The following ERCC4 variants were observed in gnomAD, a reference collection of about 807,000 sequenced individuals.
The protein encoded by ERCC4 is DNA repair endonuclease XPF.
A neutral mutation model predicts 76.9 loss-of-function variants in ERCC4; 65 were observed. The ratio of observed to expected loss-of-function variants is 0.84; its 90% CI spans 0.69 to 1.04. ERCC4 has a LOEUF of 1.04. Ranked by LOEUF, ERCC4 falls within the 50% of genes least tolerant of loss-of-function variation. The pLI is 0.00. For missense variants in ERCC4, 1,214 were observed against 1,128.2 expected (o/e 1.08, Z -1.09); for synonymous variants, 463 against 410.1 (o/e 1.13, Z -1.56).
intron 9 of ERCC4, 79 bp from the exon 10 acceptor site, chr16:13,944,644 C>T: frequency 1.1e-6 from 1 of 936,698 alleles, no homozygotes; most frequent in Non-Finnish European, 1.8e-6. Flanking sequence ...AGATCATTTT[C>T]AATACTACAA....
intron 9 of ERCC4, among the ~76,000 whole-genome samples, chr16:13,940,718 C>G (rs1212128566): frequency 6.6e-6 from 1 of 152,208 alleles, no homozygotes; most frequent in Non-Finnish European, 1.5e-5. Context: ...ACTATCTGAT[C>G]CAGCTGGCAC....
chr16:13,949,316 A>G lies in ERCC4; in HGVS notation c.*969A>G, dbSNP rs1567255053. Reference sequence around the variant, plus strand: ...TTATATCCTAAGACACCAGCATCATATCCTCTAGAAATACAACCTAATTGG... The same window carrying G: ...TTATATCCTAAGACACCAGCATCATGTCCTCTAGAAATACAACCTAATTGG... On this transcript the variant is annotated 3_prime_UTR_variant, in exon 11 of 11. Transcript: ENST00000311895. The G allele has an allele frequency of 1.3e-5, 3 of 233,994 alleles. No homozygotes were observed. In the South Asian group the frequency reaches 5.4e-4, roughly 42 times the overall value. The allele number at this position is 233,994 out of a possible 1,614,324, so 14.5% of individuals were successfully genotyped here.
Position 13,950,411 on chromosome 16 carries a change from A to T in ERCC4, c.*2064A>T, listed in dbSNP as rs1183213079. 3.2e-5 allele frequency: 6 copies of T among 186,974 alleles called. No homozygotes were observed. Among genetic ancestry groups the T allele is most frequent in the African/African-American group, 4.7e-5 (2 of 42,824 alleles). The allele number at this position is 186,974 out of a possible 1,614,324, so 11.6% of individuals were successfully genotyped here. ...GGGTATCAAGAACCAGATTGGTTAC[A>T]GTAGAACTCTGTAAGATGATGTGGA... On this transcript the variant is annotated 3_prime_UTR_variant, in exon 11 of 11. Transcript: ENST00000311895.
chr16:13,927,913 T>C, intron 3 of ERCC4, 115 bp from the exon 4 acceptor site: 1 of 737,122 alleles, frequency 1.4e-6, no homozygotes, highest in Non-Finnish European at 2.4e-6. Context: ...ATTTGTTTGT[T>C]GTTTTGCTTT....
chr16:13,929,903 G>T (rs2032141523), intron 4 of ERCC4, among the ~76,000 whole-genome samples: 1 of 152,190 alleles, frequency 6.6e-6, no homozygotes, highest in African/African-American at 2.4e-5. Flanking sequence ...GGCGGAGGTT[G>T]CAGTGAGCCG....
At chr16:13,926,320 C>T (rs1377262567) in intron 2 of ERCC4, among the ~76,000 whole-genome samples, 1 of 152,166 alleles carries the variant, frequency 6.6e-6, no homozygotes, top group Non-Finnish European at 1.5e-5. Flanking sequence ...CATACTCCCT[C>T]TCCTCCTTCT....
Position 13,944,618 on chromosome 16 carries a change from A to T in ERCC4, c.1905-105A>T. ...TTGTTTTTGTTTTTGTTTTTCTCTTACTGCTATCATCATGTAGATCATTTT... is the reference window on the plus strand; with the variant it reads ...TTGTTTTTGTTTTTGTTTTTCTCTTTCTGCTATCATCATGTAGATCATTTT... On this transcript the variant is annotated intron_variant, in intron 9 of 10. Coordinates refer to ENST00000311895, the MANE Select transcript of ERCC4 (RefSeq NM_005236.3). 2 of 769,676 alleles carry T rather than the reference A, an allele frequency of 2.6e-6. No individual in the cohort carries two copies. Among genetic ancestry groups the T allele is most frequent in the Non-Finnish European group, 4.7e-6 (2 of 429,796 alleles). The allele number at this position is 769,676 out of a possible 1,614,324, so 47.7% of individuals were successfully genotyped here. A position where few individuals can be genotyped will look rare whatever the true frequency, so the allele number is the denominator to read the frequency against.
At chr16:13,947,532 C>T (rs1303361112) in intron 10 of ERCC4, 82 bp from the exon 11 acceptor site, 1 of 1,385,614 alleles carries the variant, frequency 7.2e-7, no homozygotes, top group Non-Finnish European at 1.0e-6. Flanking sequence ...GAGTTAACAA[C>T]AGAAACATCG....
At chr16:13,937,676 T>C in intron 8 of ERCC4, 90 bp from the exon 9 acceptor site, 1 of 805,298 alleles carries the variant, frequency 1.2e-6, no homozygotes. Context: ...ATTTGAGCGC[T>C]CTAGGTTGCT....
Position 13,935,613 on chromosome 16 carries a change from A to G in ERCC4, c.1681A>G (p.Ser561Gly). ...TATCATCCATCCGCTTCTGGGTTGC[A>G]GCGACCCCTATGCTCTGACAAGGGT... ...LTIIHPLLGCSDPYALTRVLH... is the reference protein window; with the variant it reads ...LTIIHPLLGCGDPYALTRVLH... The change falls in exon 8 of 11, where the codon AGC becomes GGC. Residue 561 changes from serine to glycine, a missense_variant. Ser to Gly is a moderately conservative substitution (Grantham distance 56). Transcript: ENST00000311895. 1.2e-6 allele frequency: 2 copies of G among 1,614,120 alleles called. No individual in the cohort carries two copies. The highest frequency in any genetic ancestry group is 1.3e-5 in the African/African-American group (1 of 75,040).
At chr16:13,938,234 C>G (rs536996543) in intron 9 of ERCC4, among the ~76,000 whole-genome samples, 101 of 152,218 alleles carry the variant, frequency 6.6e-4, no homozygotes, top group African/African-American at 2.3e-3. Flanking sequence ...CACAATATGT[C>G]CTTGGGTGGG....
intron 8 of ERCC4, among the ~76,000 whole-genome samples, chr16:13,937,322 C>T (rs1006565712): frequency 5.3e-5 from 8 of 151,802 alleles, no homozygotes; most frequent in East Asian, 3.9e-4. Context: ...AATGTGTGAC[C>T]GCTGTATTCT....
rs1300371489 is a variant in ERCC4, at chr16:13,941,141, T to C, written c.1904+3283T>C. ...ACAAGATGTGGATTAGCCTTATACA[T>C]ACTGGAAAACCTCACTCAGCAGAAC... On this transcript the variant is annotated intron_variant, in intron 9 of 10. Transcript: ENST00000311895. Among the ~76,000 whole-genome samples the C allele has an allele frequency of 3.3e-5, 5 of 152,328 alleles. 1 individual carries two copies. In the Middle Eastern group the frequency reaches 0.01, roughly 311 times the overall value.
intron 8 of ERCC4, among the ~76,000 whole-genome samples, chr16:13,937,109 A>C (rs1431951205): frequency 2.3e-5 from 2 of 88,650 alleles, no homozygotes; most frequent in Admixed American, 1.0e-4. Flanking sequence ...TTTTGTAGAG[A>C]TGGGGTCTCA....
intron 6 of ERCC4, 200 bp downstream of exon 6, chr16:13,932,485 A>T (rs1298436210): frequency 3.3e-6 from 2 of 611,308 alleles, no homozygotes; most frequent in Non-Finnish European, 2.9e-6. Flanking sequence ...ATGTCGAAGT[A>T]TACAGCATGG....
At chr16:13,922,626 C>T (rs1028386417) in intron 2 of ERCC4, 18 of 576,716 alleles carry the variant, frequency 3.1e-5, no homozygotes, top group African/African-American at 2.8e-4. Context: ...AAATAGGCTG[C>T]ACATGGCCGC....
chr16:13,942,174 G>A (rs1219149958), intron 9 of ERCC4, among the ~76,000 whole-genome samples: 2 of 152,332 alleles, frequency 1.3e-5, no homozygotes, highest in East Asian at 3.8e-4. Flanking sequence ...TAATTGTTTT[G>A]TGTCTGTCAC....
intron 10 of ERCC4, among the ~76,000 whole-genome samples, chr16:13,946,196 A>G (rs1206354804): frequency 6.6e-6 from 1 of 152,204 alleles, no homozygotes; most frequent in Non-Finnish European, 1.5e-5. Flanking sequence ...CAGCCTACCT[A>G]GATAAGCCAG....
In ERCC4 at chr16:13,951,839, C is replaced by T. The variant is rs2032634325; in HGVS notation, c.*3492C>T. On this transcript the variant is annotated 3_prime_UTR_variant, in exon 11 of 11. Transcript: ENST00000311895. ...CAGAAAACTCATTTGGGGAAATTCT[C>T]TTTTGTGTTCAGTTTAACCTAGAAA... The T allele has an allele frequency of 4.5e-6, 1 of 222,626 alleles. No individual in the cohort carries two copies. Among genetic ancestry groups the T allele is most frequent in the African/African-American group, 2.2e-5 (1 of 44,756 alleles). 13.8% of individuals were successfully genotyped at this position (222,626 alleles called of 1,614,324 possible). A position where few individuals can be genotyped will look rare whatever the true frequency, so the allele number is the denominator to read the frequency against.
Sources: gnomAD v4.1 joint callset for allele counts (sites outside exome capture counted in the v4.1 genomes callset) on GRCh38, gnomAD v4.1.1 for gene constraint, MANE v1.5 for transcripts, NCBI Gene and HGNC (gene_info 2026-07-23, HGNC 2026-07-21) for gene names.